P4HTM: variants seen among roughly 807,000 people sequenced by gnomAD.
P4HTM encodes transmembrane prolyl 4-hydroxylase.
A neutral mutation model predicts 55.3 loss-of-function variants in P4HTM; 33 were observed. The observed-to-expected ratio is 0.60, with a 90% CI of 0.45 to 0.80. The LOEUF is 0.80. P4HTM is among the 30% of genes least tolerant of loss of function. The pLI, the probability that P4HTM is intolerant of heterozygous loss-of-function variation, is 0.00. For synonymous variants in P4HTM, 272 were observed against 286.4 expected (o/e 0.95, Z 0.51); for missense variants, 542 against 696.5 (o/e 0.78, Z 2.50).
chr3:49,007,013 T>C lies in P4HTM; in HGVS notation c.*106T>C, dbSNP rs2092985928. The C allele has an allele frequency of 2.1e-6, 2 of 933,278 alleles. No individual in the cohort carries two copies. Among genetic ancestry groups the C allele is most frequent in the Non-Finnish European group, 3.2e-6 (2 of 619,496 alleles). The allele number at this position is 933,278 out of a possible 1,614,324, so 57.8% of individuals were successfully genotyped here. A position where few individuals can be genotyped will look rare whatever the true frequency, so the allele number is the denominator to read the frequency against. On this transcript the variant is annotated 3_prime_UTR_variant, in exon 9 of 9. Transcript: ENST00000383729. This position sits in a 1 kb window ranked among gnomAD's most constrained non-coding sequence, Gnocchi z 5.1. ...CAGACTAAAGGTCTGGCCAATGTCTTGCCCCACCCCGCCAGCCGCGATACG... is the reference window on the plus strand; with the variant it reads ...CAGACTAAAGGTCTGGCCAATGTCTCGCCCCACCCCGCCAGCCGCGATACG...
At chr3:49,000,081 C>T (rs1441659202) in intron 2 of P4HTM, among the ~76,000 whole-genome samples, 2 of 152,288 alleles carry the variant, frequency 1.3e-5, no homozygotes, top group East Asian at 3.9e-4. Context: ...TGGCCAGTGG[C>T]AAGGCACTGA....
At position 49,006,943 on chromosome 3, in the gene P4HTM, C is replaced by G. The variant is rs1285318321; in HGVS notation, c.*36C>G. 22 of 1,545,370 alleles carry G rather than the reference C, an allele frequency of 1.4e-5. 1 individual carries two copies. Among genetic ancestry groups the G allele is most frequent in the Non-Finnish European group, 1.9e-5 (22 of 1,132,494 alleles). On this transcript the variant is annotated 3_prime_UTR_variant, in exon 9 of 9. Transcript: ENST00000383729. The stretch of plus-strand genomic sequence containing the variant: ...AGCCCCGGTTCCCAGCCGCGGGTCG[C>G]CAGTTGCCCAAGATCAGGGGTCCGG...
chr3:48,993,267 A>G (rs2092936123), intron 2 of P4HTM, among the ~76,000 whole-genome samples: 1 of 149,910 alleles, frequency 6.7e-6, no homozygotes, highest in African/African-American at 2.5e-5. Flanking sequence ...GTGCCATTGC[A>G]TCCAGCCTGG....
At position 48,990,314 on chromosome 3, in the gene P4HTM, T is replaced by C; in HGVS notation, c.58T>C (p.Ser20Pro). 7.2e-7 allele frequency: 1 copy of C among 1,398,208 alleles called. No individual in the cohort carries two copies. Among genetic ancestry groups the C allele is most frequent in the African/African-American group, 1.5e-5 (1 of 65,872 alleles). 86.6% of individuals were successfully genotyped at this position (1,398,208 alleles called of 1,614,324 possible). A position where few individuals can be genotyped will look rare whatever the true frequency, so the allele number is the denominator to read the frequency against. Residue 20 changes from serine to proline, a missense_variant, in exon 1 of 9, where the codon TCG (serine) becomes CCG (proline). This residue lies in a region of P4HTM where 536 missense variants were observed against 672.1 expected (regional missense o/e 0.80). Coordinates refer to ENST00000383729, the MANE Select transcript of P4HTM (RefSeq NM_177939.3). The surrounding 1 kb of genome is among the most constrained non-coding windows in gnomAD (Gnocchi z 7.2). ...TGAGACCGCGGCGGCCGAGGAGGCC[T>C]CGAGGCCGCAGTGGGCGCCGCCAGA... The part of the protein sequence containing the change: ...RPETAAAEEA[S>P]RPQWAPPDHC...
At chr3:48,993,562 C>A (rs559548161) in intron 2 of P4HTM, among the ~76,000 whole-genome samples, 1 of 151,682 alleles carries the variant, frequency 6.6e-6, no homozygotes, top group South Asian at 2.1e-4. Flanking sequence ...AACAGCTTGT[C>A]CTATAAAGCA....
At chr3:48,996,194 G>C (rs2092945026) in intron 2 of P4HTM, 1 of 152,148 alleles carries the variant, frequency 6.6e-6, no homozygotes, top group Non-Finnish European at 1.5e-5. Context: ...TCAGACCATA[G>C]TCCTCCTCAT....
At chr3:49,004,655 G>A in intron 5 of P4HTM, 3 of 601,640 alleles carry the variant, frequency 5.0e-6, no homozygotes, top group South Asian at 2.0e-5. Flanking sequence ...CATAGCAGGT[G>A]TCTCTGTCTT....
intron 5 of P4HTM, chr3:49,004,539 C>T (rs1443434652): frequency 3.6e-6 from 2 of 553,848 alleles, no homozygotes; most frequent in African/African-American, 1.9e-5. Context: ...CCTTATCTGA[C>T]CCCGTCACAG....
intron 5 of P4HTM, 198 bp from the exon 6 acceptor site, chr3:49,004,663 C>T: frequency 1.6e-6 from 1 of 609,766 alleles, no homozygotes; most frequent in East Asian, 2.8e-5. Flanking sequence ...GTGTCTCTGT[C>T]TTTGGCATCT....
rs1322932504 is a variant in P4HTM, at chr3:48,990,751, G to T, written c.355-82G>T. ...CGCTCCCACTCACTCGCCTGCTGTC[G>T]CTCTCCGGGCCGGGGCGACTTGGCC... On this transcript the variant is annotated intron_variant, in intron 1 of 8. Transcript: ENST00000383729. This position sits in a 1 kb window ranked among gnomAD's most constrained non-coding sequence, Gnocchi z 7.2. 6.6e-7 allele frequency: 1 copy of T among 1,523,542 alleles called. No homozygotes were observed. Among genetic ancestry groups the T allele is most frequent in the Non-Finnish European group, 9.0e-7 (1 of 1,114,728 alleles). The allele number at this position is 1,523,542 out of a possible 1,614,324, so 94.4% of individuals were successfully genotyped here.
chr3:48,995,944 A>G (rs996730390), intron 2 of P4HTM, among the ~76,000 whole-genome samples: 1 of 152,180 alleles, frequency 6.6e-6, no homozygotes, highest in African/African-American at 2.4e-5. Flanking sequence ...CCAGTCCAGC[A>G]TCTGCCTGCT....
chr3:49,006,061 C>G lies in P4HTM; in HGVS notation c.1165-3C>G, dbSNP rs1230995547. The G allele has an allele frequency of 3.1e-6, 5 of 1,610,858 alleles. No individual in the cohort carries two copies. Among genetic ancestry groups the G allele is most frequent in the African/African-American group, 2.7e-5 (2 of 74,874 alleles). On this transcript the variant is annotated splice_region_variant and splice_polypyrimidine_tract_variant and intron_variant, in intron 7 of 8. Coordinates refer to ENST00000383729, the MANE Select transcript of P4HTM (RefSeq NM_177939.3). ...GAACACCCCACCACCCTGCTGCCCA[C>G]AGAGTCTGATTCAGGATGACGTGGA...
chr3:49,001,697 C>A, intron 3 of P4HTM, 69 bp downstream of exon 3: 1 of 1,387,236 alleles, frequency 7.2e-7, no homozygotes, highest in Non-Finnish European at 9.9e-7. Context: ...GTGGCCAGGT[C>A]ACTTGTCCAG....
At chr3:48,993,598 A>G (rs1030672943) in intron 2 of P4HTM, among the ~76,000 whole-genome samples, 1 of 152,082 alleles carries the variant, frequency 6.6e-6, no homozygotes, top group African/African-American at 2.4e-5. Context: ...TTGGTGGTTC[A>G]TGCTTCTAAT....
In P4HTM at chr3:48,990,442, G is replaced by T; in HGVS notation, c.186G>T (p.Leu62=). ...PRGICSRAYF[L]VLMVFVHLYL... ...GCATCTGCTCGCGCGCCTACTTCCT[G>T]GTGCTGATGGTGTTCGTGCACCTGT... Residue 62 remains leucine (L), a synonymous_variant, in exon 1 of 9, where the codon CTG becomes CTT. Transcript: ENST00000383729. This position sits in a 1 kb window ranked among gnomAD's most constrained non-coding sequence, Gnocchi z 7.2. 1 of 1,609,802 alleles carries T rather than the reference G, an allele frequency of 6.2e-7. No homozygotes were observed.
chr3:49,001,053 C>T (rs2092959573), intron 2 of P4HTM: 1 of 290,246 alleles, frequency 3.4e-6, no homozygotes, highest in African/African-American at 2.2e-5. Flanking sequence ...GAAGCAGCCA[C>T]CATCTCCCCA....
At chr3:49,001,697 C>T in intron 3 of P4HTM, 69 bp downstream of exon 3, 3 of 1,387,240 alleles carry the variant, frequency 2.2e-6, no homozygotes, top group Non-Finnish European at 3.0e-6. Context: ...GTGGCCAGGT[C>T]ACTTGTCCAG....
chr3:49,004,521 C>CTT (rs2092970813), intron 5 of P4HTM: 1 of 558,870 alleles, frequency 1.8e-6, no homozygotes, highest in Non-Finnish European at 3.1e-6. Flanking sequence ...GACCTCTTAT[C>CTT]TTTGACCCCT....
intron 2 of P4HTM, chr3:48,991,278 C>T (rs1158936582): frequency 4.8e-6 from 1 of 209,562 alleles, no homozygotes; most frequent in African/African-American, 2.3e-5. Context: ...GGGGAAAATC[C>T]CACTGCCGAA....
Sources: gnomAD v4.1 joint callset for allele counts (sites outside exome capture counted in the v4.1 genomes callset) on GRCh38, gnomAD v4.1.1 for gene constraint, gnomAD v4.1.1 regional missense constraint, Gnocchi (gnomAD v3.1) non-coding constraint, MANE v1.5 for transcripts, NCBI Gene and HGNC (gene_info 2026-07-23, HGNC 2026-07-21) for gene names.